PKNOX2: variants seen among roughly 807,000 people sequenced by gnomAD.
PKNOX2 encodes PBX/knotted 1 homeobox 2.
Under a neutral mutation model 53.1 loss-of-function variants are expected in PKNOX2, and 14 were observed. That is an observed-to-expected ratio of 0.26 (90% CI 0.17 to 0.41). The LOEUF (loss-of-function observed/expected upper bound fraction) is 0.41. Among genes scored for constraint, PKNOX2 ranks in the 10% least tolerant of loss-of-function variants. The probability of loss-of-function intolerance (pLI) is 1.00; values close to 1 mark genes in which losing one functional copy is unlikely to be tolerated. For missense variants in PKNOX2, 496 were observed against 602.8 expected (o/e 0.82, Z 1.85); for synonymous variants, 257 against 242.8 (o/e 1.06, Z -0.54).
At position 125,390,874 on chromosome 11, in the gene PKNOX2, G is replaced by A. The variant is rs181288898; in HGVS notation, c.399+5152G>A. Among the ~76,000 whole-genome samples, 37 of 152,266 alleles carry A rather than the reference G, an allele frequency of 2.4e-4. No individual in the cohort carries two copies. The South Asian group carries it at 2.5e-3, about 10-fold the overall frequency. ...TCCACAAAATATTTGTTTTGTCCCC[G>A]AATCATCAGGCAGTTCTCCAATCAC... is the stretch of plus-strand genomic sequence containing the variant. On this transcript the variant is annotated intron_variant, in intron 6 of 12. Transcript: ENST00000298282.
chr11:125,258,731 G>T (rs1268323857), intron 2 of PKNOX2: 1 of 222,268 alleles, frequency 4.5e-6, no homozygotes, highest in East Asian at 1.5e-4. Context: ...GAAGCACTGT[G>T]GCAGCCTTCT....
Position 125,431,295 on chromosome 11 carries a change from A to AAGAGGAGGAGGAGGAGGAGCT in PKNOX2, c.1323_1343dup (p.Glu445_Glu451dup). 1 of 1,611,342 alleles carries AAGAGGAGGAGGAGGAGGAGCT rather than the reference A, an allele frequency of 6.2e-7. No homozygotes were observed. Among genetic ancestry groups the AAGAGGAGGAGGAGGAGGAGCT allele is most frequent in the Non-Finnish European group, 8.5e-7 (1 of 1,178,770 alleles). On this transcript the variant is annotated inframe_insertion, in exon 13 of 13. Coordinates refer to ENST00000298282, the MANE Select transcript of PKNOX2 (RefSeq NM_001382323.2). ...GAAGAAGAGGATGAGGATGAGATGG[A>AAGAGGAGGAGGAGGAGGAGCT]AGAGGAGGAGGAGGAGGAGCTGGAG...
chr11:125,318,244 T>G (rs2136048206), intron 2 of PKNOX2, among the ~76,000 whole-genome samples: 1 of 152,126 alleles, frequency 6.6e-6, no homozygotes. Flanking sequence ...GTAGCTGGGA[T>G]TACAGGCACC....
At chr11:125,233,777 C>T (rs1490086934) in intron 1 of PKNOX2, among the ~76,000 whole-genome samples, 1 of 152,218 alleles carries the variant, frequency 6.6e-6, no homozygotes, top group African/African-American at 2.4e-5. Context: ...ACTGAAATTC[C>T]ACCTTCTTCC....
rs1565467285 is a variant in PKNOX2, at chr11:125,198,837, TC to T, written c.-201+34062del. ...TCCTCCTCTTCCTTCTTCTTCTTCT[TC>T]TTCTTTTTTTTTTTTTTCTGAGACA... On this transcript the variant is annotated intron_variant, in intron 1 of 12. Transcript: ENST00000298282. Among the ~76,000 whole-genome samples the T allele has an allele frequency of 2.2e-3, 293 of 132,040 alleles. 1 individual carries two copies. Among genetic ancestry groups the T allele is most frequent in the African/African-American group, 8.4e-3 (283 of 33,702 alleles). 86.6% of individuals were successfully genotyped at this position (132,040 alleles called of 152,430 possible).
intron 2 of PKNOX2, among the ~76,000 whole-genome samples, chr11:125,251,835 G>T (rs1037875864): frequency 2.7e-5 from 4 of 150,242 alleles, no homozygotes; most frequent in Non-Finnish European, 5.9e-5. Flanking sequence ...TTCCACTGTG[G>T]TGATGGCCTC....
intron 1 of PKNOX2, among the ~76,000 whole-genome samples, chr11:125,171,288 T>C (rs1325788604): frequency 1.3e-5 from 2 of 152,198 alleles, no homozygotes; most frequent in East Asian, 1.9e-4. Flanking sequence ...GAGCATCTTC[T>C]GTGTCCCCGG....
chr11:125,282,775 G>A (rs1487111523), intron 2 of PKNOX2, among the ~76,000 whole-genome samples: 4 of 152,198 alleles, frequency 2.6e-5, no homozygotes, highest in Non-Finnish European at 5.9e-5. Flanking sequence ...TGTCTGTGCT[G>A]GCCAATTTGG....
intron 2 of PKNOX2, among the ~76,000 whole-genome samples, chr11:125,249,549 T>C (rs1193151744): frequency 6.6e-6 from 1 of 152,224 alleles, no homozygotes; most frequent in African/African-American, 2.4e-5. Flanking sequence ...AGCATTTGCA[T>C]TGTATCAGGT....
Position 125,255,386 on chromosome 11 carries a change from C to T in PKNOX2, c.-130+20271C>T, listed in dbSNP as rs140185978. 6.7e-3 allele frequency among the ~76,000 whole-genome samples: 1,020 copies of T among 152,302 alleles called. 7 individuals carry two copies. The highest frequency in any genetic ancestry group is 0.032 in the South Asian group (155 of 4,822). ...GGGCATTTGAAATGAGCCCAGCCCA[C>T]CCCCGGGATGAGACTGACAAAGGCA... On this transcript the variant is annotated intron_variant, in intron 2 of 12. Transcript: ENST00000298282.
At chr11:125,286,165 G>C (rs1258937836) in intron 2 of PKNOX2, among the ~76,000 whole-genome samples, 1 of 152,194 alleles carries the variant, frequency 6.6e-6, no homozygotes, top group Non-Finnish European at 1.5e-5. Flanking sequence ...TGGATGCACG[G>C]GAAGAAAGGA....
At chr11:125,330,323 A>T (rs1365988943) in intron 2 of PKNOX2, 2 of 152,294 alleles carry the variant, frequency 1.3e-5, no homozygotes, top group Non-Finnish European at 2.9e-5. Flanking sequence ...TTCACAGACG[A>T]GGTCACATGG....
At chr11:125,390,574 A>C (rs932584700) in intron 6 of PKNOX2, among the ~76,000 whole-genome samples, 3 of 152,258 alleles carry the variant, frequency 2.0e-5, no homozygotes, top group African/African-American at 7.2e-5. Flanking sequence ...CAAGACACCC[A>C]AGACCTAAAG....
intron 2 of PKNOX2, among the ~76,000 whole-genome samples, chr11:125,327,242 T>C (rs1331885561): frequency 6.6e-6 from 1 of 152,052 alleles, no homozygotes; most frequent in Non-Finnish European, 1.5e-5. Context: ...CAGGCAAAGG[T>C]GATCTGTGGG....
intron 1 of PKNOX2, among the ~76,000 whole-genome samples, chr11:125,172,572 G>A (rs1215786581): frequency 6.6e-6 from 1 of 152,154 alleles, no homozygotes; most frequent in Non-Finnish European, 1.5e-5. Flanking sequence ...CTGACTGACT[G>A]TGTGACCTTC....
In PKNOX2 at chr11:125,262,592, C is replaced by G. The variant is rs375260457; in HGVS notation, c.-130+27477C>G. Among the ~76,000 whole-genome samples, 6 of 151,960 alleles carry G rather than the reference C, an allele frequency of 3.9e-5. No homozygotes were observed. The East Asian group carries it at 7.8e-4, about 20-fold the overall frequency. ...TGCCCGCTCCACCTTTGCCCTGCTCCCCAAGCAGCCCTCCCACCCTTCCTC... is the reference window on the plus strand; with the variant it reads ...TGCCCGCTCCACCTTTGCCCTGCTCGCCAAGCAGCCCTCCCACCCTTCCTC... On this transcript the variant is annotated intron_variant, in intron 2 of 12. Coordinates refer to ENST00000298282, the MANE Select transcript of PKNOX2 (RefSeq NM_001382323.2).
chr11:125,322,207 C>CAA (rs141262013), intron 2 of PKNOX2, among the ~76,000 whole-genome samples: 132 of 150,192 alleles, frequency 8.8e-4, no homozygotes, highest in East Asian at 5.3e-3. Flanking sequence ...GTGTCTTATT[C>CAA]AAAAAAAAAC....
At chr11:125,229,991 C>T (rs925525003) in intron 1 of PKNOX2, among the ~76,000 whole-genome samples, 3 of 152,248 alleles carry the variant, frequency 2.0e-5, no homozygotes, top group Non-Finnish European at 4.4e-5. Context: ...TAACCCACCA[C>T]TGCCAGCATT....
chr11:125,240,816 C>T lies in PKNOX2; in HGVS notation c.-130+5701C>T, dbSNP rs1366956891. On this transcript the variant is annotated intron_variant, in intron 2 of 12. Transcript: ENST00000298282. The surrounding 1 kb of genome is among the most constrained non-coding windows in gnomAD (Gnocchi z 4.3). Reference sequence around the variant, plus strand: ...TAGTGATGGTGTAGGGTCCCCTCCTCTTGCCTTTGCAGTTAGCCAGCCAAG... The same window carrying T: ...TAGTGATGGTGTAGGGTCCCCTCCTTTTGCCTTTGCAGTTAGCCAGCCAAG... Among the ~76,000 whole-genome samples, 3 of 152,156 alleles carry T rather than the reference C, an allele frequency of 2.0e-5. No individual in the cohort carries two copies. The highest frequency in any genetic ancestry group is 2.9e-5 in the Non-Finnish European group (2 of 68,030).
Sources: gnomAD v4.1 joint callset for allele counts (sites outside exome capture counted in the v4.1 genomes callset) on GRCh38, gnomAD v4.1.1 for gene constraint, Gnocchi (gnomAD v3.1) non-coding constraint, MANE v1.5 for transcripts, NCBI Gene and HGNC (gene_info 2026-07-23, HGNC 2026-07-21) for gene names.